B3GNT4: variants seen among roughly 807,000 people sequenced by gnomAD.
B3GNT4 encodes UDP-GlcNAc:betaGal beta-1,3-N-acetylglucosaminyltransferase 4.
B3GNT4 carries 2 observed loss-of-function variants against 2.7 expected under a neutral mutation model. The observed-to-expected ratio is 0.73, with a 90% CI of 0.30 to 2.31. The LOEUF is 2.31. B3GNT4 is among the 30% of genes most tolerant of loss of function. The pLI, the probability that B3GNT4 is intolerant of heterozygous loss-of-function variation, is 0.12. For synonymous variants in B3GNT4, 280 were observed against 203.4 expected (o/e 1.38, Z -3.20); for missense variants, 708 against 490.9 (o/e 1.44, Z -4.18).
intron 2 of B3GNT4, chr12:122,204,940 G>C (rs1290200951): frequency 2.0e-6 from 1 of 502,602 alleles, no homozygotes; most frequent in Non-Finnish European, 3.6e-6. Flanking sequence ...CGAGGCCGGA[G>C]GATCGCTTGA....
chr12:122,204,472 G>C, intron 1 of B3GNT4, 50 bp from the exon 2 acceptor site: 2 of 721,034 alleles, frequency 2.8e-6, no homozygotes, highest in Non-Finnish European at 4.9e-6. Flanking sequence ...CCTGCTGTGC[G>C]CCCTTCTCGG....
At position 122,206,651 on chromosome 12, in the gene B3GNT4, CG is replaced by C. The variant is rs1313675344; in HGVS notation, c.401del (p.Arg134LeufsTer20). The C allele has an allele frequency of 6.2e-7, 1 of 1,613,666 alleles. No individual in the cohort carries two copies. Among genetic ancestry groups the C allele is most frequent in the Non-Finnish European group, 8.5e-7 (1 of 1,180,006 alleles). ...IKSQPGHVER[R>X]AAIRSTWGRV... ...GTCACAGCCTGGTCACGTGGAGCGA[CG>C]TGCGGCTATCCGCAGCACGTGGGGC... is the stretch of plus-strand genomic sequence containing the variant. On this transcript the variant is annotated frameshift_variant, in exon 3 of 3. Coordinates refer to ENST00000324189, the MANE Select transcript of B3GNT4 (RefSeq NM_030765.4). LOFTEE classifies it low-confidence loss of function (END_TRUNC).
Position 122,206,518 on chromosome 12 carries a change from GC to G in B3GNT4, c.269del (p.Pro90LeufsTer8). The G allele has an allele frequency of 1.2e-6, 2 of 1,614,178 alleles. No individual in the cohort carries two copies. The highest frequency in any genetic ancestry group is 1.7e-6 in the Non-Finnish European group (2 of 1,180,020). ...CAGTGTCTAGCGCCTCTCTGTCCCTGCCTAGCCGTCACCGTCTCTTCTTGAC... is the reference window on the plus strand; with the variant it reads ...CAGTGTCTAGCGCCTCTCTGTCCCTGCTAGCCGTCACCGTCTCTTCTTGAC... The part of the protein sequence containing the change: ...HTVSSASLSL[P>X]SRHRLFLTYR... On this transcript the variant is annotated frameshift_variant, in exon 3 of 3. Coordinates refer to ENST00000324189, the MANE Select transcript of B3GNT4 (RefSeq NM_030765.4). LOFTEE classifies it low-confidence loss of function (END_TRUNC).
chr12:122,208,659 G>A lies in B3GNT4; in HGVS notation c.*1271G>A. 2 of 1,433,908 alleles carry A rather than the reference G, an allele frequency of 1.4e-6. No individual in the cohort carries two copies. Among genetic ancestry groups the A allele is most frequent in the Non-Finnish European group, 1.9e-6 (2 of 1,044,428 alleles). The allele number at this position is 1,433,908 out of a possible 1,614,324, so 88.8% of individuals were successfully genotyped here. A position where few individuals can be genotyped will look rare whatever the true frequency, so the allele number is the denominator to read the frequency against. On this transcript the variant is annotated 3_prime_UTR_variant, in exon 3 of 3. Coordinates refer to ENST00000324189, the MANE Select transcript of B3GNT4 (RefSeq NM_030765.4). The stretch of plus-strand genomic sequence containing the variant: ...GTGGACGTTGGCCTGGGGGTGCTGT[G>A]GCTGTCATCTGAACCCCTCTTGGGG...
chr12:122,206,536 C>T lies in B3GNT4; in HGVS notation c.285C>T (p.Leu95=), dbSNP rs758996673. 19 of 1,614,208 alleles carry T rather than the reference C, an allele frequency of 1.2e-5. No individual in the cohort carries two copies. The South Asian group carries it at 1.6e-4, about 14-fold the overall frequency. ...ASLSLPSRHR[L]FLTYRHCRNF... The stretch of plus-strand genomic sequence containing the variant: ...TGTCCCTGCCTAGCCGTCACCGTCT[C>T]TTCTTGACCTATCGTCACTGCCGAA... Residue 95 remains leucine (L), a synonymous_variant, in exon 3 of 3, where the codon CTC becomes CTT. Coordinates refer to ENST00000324189, the MANE Select transcript of B3GNT4 (RefSeq NM_030765.4).
At chr12:122,204,338 C>T (rs2136071095) in intron 1 of B3GNT4, among the ~76,000 whole-genome samples, 184 bp from the exon 2 acceptor site, 1 of 151,916 alleles carries the variant, frequency 6.6e-6, no homozygotes, top group South Asian at 2.1e-4. Flanking sequence ...CTGGGGTCTC[C>T]GCGGCTCGGA....
chr12:122,207,577 T>A lies in B3GNT4; in HGVS notation c.*189T>A. 3.0e-6 allele frequency: 2 copies of A among 668,114 alleles called. No individual in the cohort carries two copies. Among genetic ancestry groups the A allele is most frequent in the Non-Finnish European group, 5.0e-6 (2 of 397,196 alleles). The allele number at this position is 668,114 out of a possible 1,614,324, so 41.4% of individuals were successfully genotyped here. On this transcript the variant is annotated 3_prime_UTR_variant, in exon 3 of 3. Coordinates refer to ENST00000324189, the MANE Select transcript of B3GNT4 (RefSeq NM_030765.4). Reference sequence around the variant, plus strand: ...CATATGTTGAATGGGAGCCAAAGTGTAGCAAATGCTGCCAGGAACCTGTCG... The same window carrying A: ...CATATGTTGAATGGGAGCCAAAGTGAAGCAAATGCTGCCAGGAACCTGTCG...
At position 122,204,636 on chromosome 12, in the gene B3GNT4, T is replaced by C; in HGVS notation, c.18T>C (p.Pro6=). Residue 6 remains proline, a synonymous_variant, in exon 2 of 3, where the codon CCT becomes CCC. Transcript: ENST00000324189. MLPPQ[P]SAAHQGRGGR... is the part of the protein sequence containing the mutation. ...TGCCGTTCATGCTTCCTCCCCAGCCTTCCGCAGCCCACCAGGGAAGGGGCG... is the reference window on the plus strand; with the variant it reads ...TGCCGTTCATGCTTCCTCCCCAGCCCTCCGCAGCCCACCAGGGAAGGGGCG... 1 of 1,611,866 alleles carries C rather than the reference T, an allele frequency of 6.2e-7. No homozygotes were observed. Among genetic ancestry groups the C allele is most frequent in the Non-Finnish European group, 8.5e-7 (1 of 1,178,138 alleles).
Position 122,207,497 on chromosome 12 carries a change from C to T in B3GNT4, c.*109C>T, listed in dbSNP as rs1953950337. The T allele has an allele frequency of 5.0e-6, 5 of 1,002,556 alleles. No homozygotes were observed. Among genetic ancestry groups the T allele is most frequent in the Non-Finnish European group, 7.1e-6 (5 of 703,948 alleles). 62.1% of individuals were successfully genotyped at this position (1,002,556 alleles called of 1,614,324 possible). A position where few individuals can be genotyped will look rare whatever the true frequency, so the allele number is the denominator to read the frequency against. ...AAAATGCCAACTTGGTTTTTTAACTCCTCTCACCCTGTTAGCTCTGATTAA... is the reference window on the plus strand; with the variant it reads ...AAAATGCCAACTTGGTTTTTTAACTTCTCTCACCCTGTTAGCTCTGATTAA... On this transcript the variant is annotated 3_prime_UTR_variant, in exon 3 of 3. Coordinates refer to ENST00000324189, the MANE Select transcript of B3GNT4 (RefSeq NM_030765.4).
In B3GNT4 at chr12:122,206,193, C is replaced by T. The variant is rs968992951; in HGVS notation, c.67-125C>T. 1.2e-5 allele frequency: 9 copies of T among 731,952 alleles called. No individual in the cohort carries two copies. The African/African-American group carries it at 1.4e-4, about 11-fold the overall frequency. The allele number at this position is 731,952 out of a possible 1,614,324, so 45.3% of individuals were successfully genotyped here. A position where few individuals can be genotyped will look rare whatever the true frequency, so the allele number is the denominator to read the frequency against. ...GGACTCTGGAAAGAGCCTGAGGATA[C>T]GCTGAGAATAAAAAGTCCAGAGGCC... is the stretch of plus-strand genomic sequence containing the variant. On this transcript the variant is annotated intron_variant, in intron 2 of 2. Coordinates refer to ENST00000324189, the MANE Select transcript of B3GNT4 (RefSeq NM_030765.4).
At position 122,206,858 on chromosome 12, in the gene B3GNT4, T is replaced by C. The variant is rs771404601; in HGVS notation, c.607T>C (p.Trp203Arg). 1.9e-6 allele frequency: 3 copies of C among 1,613,752 alleles called. No homozygotes were observed. The highest frequency in any genetic ancestry group is 1.6e-4 in the Middle Eastern group (1 of 6,084). The part of the protein sequence containing the change: ...LTLKELHLQR[W>R]VVAACPQAHF... ...GCTCAAGGAGCTGCACCTGCAGCGC[T>C]GGGTGGTGGCTGCCTGCCCCCAGGC... The change falls in exon 3 of 3, where the codon TGG (tryptophan) becomes CGG (arginine). Residue 203 changes from tryptophan (W) to arginine (R), a missense_variant. Coordinates refer to ENST00000324189, the MANE Select transcript of B3GNT4 (RefSeq NM_030765.4).
Position 122,208,526 on chromosome 12 carries a change from A to T in B3GNT4, c.*1138A>T. The T allele has an allele frequency of 6.2e-7, 1 of 1,614,018 alleles. No homozygotes were observed. The highest frequency in any genetic ancestry group is 8.5e-7 in the Non-Finnish European group (1 of 1,180,024). On this transcript the variant is annotated 3_prime_UTR_variant, in exon 3 of 3. Transcript: ENST00000324189. ...GAGCTGGTGCACCTCTTCCACCTGC[A>T]GTTTCACCAGCTGAATGTGATTCCT...
rs1357447676 is a variant in B3GNT4 at position 122,208,230 on chromosome 12, T to G, written c.*842T>G. 2.3e-6 allele frequency: 2 copies of G among 888,002 alleles called. No homozygotes were observed. The highest frequency in any genetic ancestry group is 1.8e-6 in the Non-Finnish European group (1 of 556,174). The allele number at this position is 888,002 out of a possible 1,614,324, so 55.0% of individuals were successfully genotyped here. ...GCAAGCCTGAGACCACAGGAGGCACTCACAGCTCACAAAGGCGTCTCGCCT... is the reference window on the plus strand; with the variant it reads ...GCAAGCCTGAGACCACAGGAGGCACGCACAGCTCACAAAGGCGTCTCGCCT... On this transcript the variant is annotated 3_prime_UTR_variant, in exon 3 of 3. Transcript: ENST00000324189.
chr12:122,206,741 T>A lies in B3GNT4; in HGVS notation c.490T>A (p.Ser164Thr). 1 of 1,606,522 alleles carries A rather than the reference T, an allele frequency of 6.2e-7. No individual in the cohort carries two copies. The highest frequency in any genetic ancestry group is 8.5e-7 in the Non-Finnish European group (1 of 1,175,700). Residue 164 changes from serine (S) to threonine (T), a missense_variant, in exon 3 of 3, where the codon TCC becomes ACC. Transcript: ENST00000324189. The part of the protein sequence containing the change: ...KLVFLLGVAG[S>T]APPAQLLAYE... Reference sequence around the variant, plus strand: ...GGTGTTCCTCCTAGGGGTGGCAGGATCCGCTCCCCCAGCCCAGCTGCTGGC... The same window carrying A: ...GGTGTTCCTCCTAGGGGTGGCAGGAACCGCTCCCCCAGCCCAGCTGCTGGC...
Position 122,206,930 on chromosome 12 carries a change from A to G in B3GNT4, c.679A>G (p.Asn227Asp). The change falls in exon 3 of 3, where the codon AAC becomes GAC. Residue 227 changes from asparagine (N) to aspartate (D), a missense_variant. Transcript: ENST00000324189. ...GDDDVFVHVP[N>D]VLEFLDGWDP... ...TGACGATGTCTTTGTCCACGTCCCCAACGTGTTAGAGTTCCTGGATGGCTG... is the reference window on the plus strand; with the variant it reads ...TGACGATGTCTTTGTCCACGTCCCCGACGTGTTAGAGTTCCTGGATGGCTG... The G allele has an allele frequency of 2.5e-6, 4 of 1,614,106 alleles. No homozygotes were observed. Among genetic ancestry groups the G allele is most frequent in the Non-Finnish European group, 3.4e-6 (4 of 1,180,022 alleles).
Position 122,206,424 on chromosome 12 carries a change from A to T in B3GNT4, c.173A>T (p.Asp58Val). ...AGGAAGGCGGCCAAGCCCGCAGGAG[A>T]CCCCACGGCCCACCAGCCTTTCTGG... ...FLRKAAKPAG[D>V]PTAHQPFWAP... The change falls in exon 3 of 3, where the codon GAC becomes GTC. Residue 58 changes from aspartate (D) to valine (V), a missense_variant. Transcript: ENST00000324189. 1 of 1,613,458 alleles carries T rather than the reference A, an allele frequency of 6.2e-7. No individual in the cohort carries two copies. The highest frequency in any genetic ancestry group is 8.5e-7 in the Non-Finnish European group (1 of 1,179,840).
Position 122,208,457 on chromosome 12 carries a change from T to C in B3GNT4, c.*1069T>C. 1 of 1,614,092 alleles carries C rather than the reference T, an allele frequency of 6.2e-7. No individual in the cohort carries two copies. Among genetic ancestry groups the C allele is most frequent in the Non-Finnish European group, 8.5e-7 (1 of 1,180,028 alleles). ...TTCCTCCTGTGTTTTCTGACGGAGC[T>C]CTTCTATCTGTGCTTCTGCCAGCTT... On this transcript the variant is annotated 3_prime_UTR_variant, in exon 3 of 3. Transcript: ENST00000324189.
In B3GNT4 at chr12:122,206,842, G is replaced by A; in HGVS notation, c.591G>A (p.Glu197=). ...TEDFFNLTLK[E]LHLQRWVVAA... is the part of the protein sequence containing the mutation. Reference sequence around the variant, plus strand: ...ACTTCTTCAACCTGACGCTCAAGGAGCTGCACCTGCAGCGCTGGGTGGTGG... The same window carrying A: ...ACTTCTTCAACCTGACGCTCAAGGAACTGCACCTGCAGCGCTGGGTGGTGG... The change falls in exon 3 of 3, where the codon GAG becomes GAA. Residue 197 remains glutamate, a synonymous_variant. Transcript: ENST00000324189. 1 of 1,613,686 alleles carries A rather than the reference G, an allele frequency of 6.2e-7. No individual in the cohort carries two copies. Among genetic ancestry groups the A allele is most frequent in the South Asian group, 1.1e-5 (1 of 91,058 alleles).
chr12:122,208,574 G>A lies in B3GNT4; in HGVS notation c.*1186G>A. 4 of 1,612,292 alleles carry A rather than the reference G, an allele frequency of 2.5e-6. No homozygotes were observed. Among genetic ancestry groups the A allele is most frequent in the Non-Finnish European group, 2.5e-6 (3 of 1,180,000 alleles). ...CCTGGCGGTTATAGAGGCCTGATCT[G>A]CGCCTGCCAAAAGATGGGACAATCG... On this transcript the variant is annotated 3_prime_UTR_variant, in exon 3 of 3. Transcript: ENST00000324189.
Sources: gnomAD v4.1 joint callset for allele counts (sites outside exome capture counted in the v4.1 genomes callset) on GRCh38, gnomAD v4.1.1 for gene constraint, MANE v1.5 for transcripts, NCBI Gene and HGNC (gene_info 2026-07-23, HGNC 2026-07-21) for gene names.